Variants in LRRC9 observed in about 807,000 individuals in gnomAD.
LRRC9 encodes leucine-rich repeat-containing protein 9.
In LRRC9, 122 loss-of-function variants were observed where a neutral mutation model predicts 63.2. That is an observed-to-expected ratio of 1.93 (90% CI 1.67 to 2.24). The LOEUF is 2.24. Ranked by LOEUF, LRRC9 falls within the 30% of genes most tolerant of loss-of-function variation. The pLI is 0.00. For synonymous variants in LRRC9, 366 were observed against 213.1 expected (o/e 1.72, Z -6.25); for missense variants, 1,071 against 627.7 (o/e 1.71, Z -7.55).
At chr14:59,961,701 G>A (rs1369495363) in intron 10 of LRRC9, among the ~76,000 whole-genome samples, 3 of 152,040 alleles carry the variant, frequency 2.0e-5, no homozygotes, top group African/African-American at 7.2e-5. Context: ...TTAGAACCAA[G>A]GCCTACTAGT....
At chr14:60,014,098 T>C (rs1333561982) in intron 23 of LRRC9, among the ~76,000 whole-genome samples, 2 of 152,104 alleles carry the variant, frequency 1.3e-5, no homozygotes, top group Non-Finnish European at 2.9e-5. Context: ...TTTTTAGTGG[T>C]TGTTCTATTA....
intron 10 of LRRC9, among the ~76,000 whole-genome samples, chr14:59,965,232 G>A (rs888464326): frequency 6.6e-6 from 1 of 152,110 alleles, no homozygotes; most frequent in Non-Finnish European, 1.5e-5. Flanking sequence ...GCACTTCAGT[G>A]TTATTTTCAC....
rs1566787365 is a variant in LRRC9 at position 59,936,240 on chromosome 14, T to C, written c.544-2150T>C. ...ATAGCAGGATTATTATAAAAATTCA[T>C]TGTGTGACATAATATTTAAAAAGGC... is the stretch of plus-strand genomic sequence containing the variant. On this transcript the variant is annotated intron_variant, in intron 6 of 31. Coordinates refer to ENST00000445360, the Ensembl canonical transcript of LRRC9. This position sits in a 1 kb window ranked among gnomAD's most constrained non-coding sequence, Gnocchi z 4.2. 6.6e-6 allele frequency among the ~76,000 whole-genome samples: 1 copy of C among 152,214 alleles called. No homozygotes were observed. Among genetic ancestry groups the C allele is most frequent in the Admixed American group, 6.5e-5 (1 of 15,278 alleles).
At chr14:59,993,237 A>T (rs1888361551) in intron 17 of LRRC9, among the ~76,000 whole-genome samples, 1 of 152,176 alleles carries the variant, frequency 6.6e-6, no homozygotes, top group South Asian at 2.1e-4. Context: ...GGAGAAATAA[A>T]ATACCTTACA....
At chr14:60,040,816 T>C (rs1892881467) in intron 29 of LRRC9, among the ~76,000 whole-genome samples, 1 of 151,986 alleles carries the variant, frequency 6.6e-6, no homozygotes, top group South Asian at 2.1e-4. Context: ...TGTTAGCTGG[T>C]TATTTTGCTC....
chr14:59,949,188 C>T (rs1438230387), intron 8 of LRRC9, among the ~76,000 whole-genome samples: 5 of 150,094 alleles, frequency 3.3e-5, no homozygotes, highest in African/African-American at 1.2e-4. Context: ...AATTTCAGCT[C>T]CTGTTATTGG....
chr14:60,057,106 G>T (rs886798696), intron 30 of LRRC9, among the ~76,000 whole-genome samples: 8 of 152,112 alleles, frequency 5.3e-5, no homozygotes, highest in African/African-American at 1.9e-4. Flanking sequence ...GAAGTATGAG[G>T]TTAAATAGGT....
chr14:60,032,169 A>G lies in LRRC9; in HGVS notation c.3990+106A>G, dbSNP rs185870941. The G allele has an allele frequency of 1.0e-3, 601 of 576,902 alleles. 4 individuals are homozygous for G. Among genetic ancestry groups the G allele is most frequent in the Non-Finnish European group, 5.9e-4 (191 of 325,402 alleles). The allele number at this position is 576,902 out of a possible 1,614,324, so 35.7% of individuals were successfully genotyped here. ...GATTTAGTTTTATGCTTCTGTATGC[A>G]TAGCCAGTCATCCCAGCCCAAATTT... On this transcript the variant is annotated intron_variant, in intron 29 of 31. Transcript: ENST00000445360.
chr14:60,018,592 T>A, intron 25 of LRRC9, 113 bp downstream of exon 25: 1 of 410,982 alleles, frequency 2.4e-6, no homozygotes, highest in Non-Finnish European at 4.3e-6. Context: ...TTCCTAAATT[T>A]TCTTTGGGTT....
At chr14:60,006,674 A>G in intron 22 of LRRC9, 57 bp downstream of exon 22, 1 of 550,368 alleles carries the variant, frequency 1.8e-6, no homozygotes, top group Middle Eastern at 4.6e-4. Flanking sequence ...TCTTTATATT[A>G]TGAAAGTAAT....
chr14:60,007,848 G>A (rs1032044202), intron 22 of LRRC9, among the ~76,000 whole-genome samples: 1 of 151,428 alleles, frequency 6.6e-6, no homozygotes, highest in Non-Finnish European at 1.5e-5. Context: ...GCCATGGTGG[G>A]AGAATCACTT....
intron 19 of LRRC9, 117 bp downstream of exon 19, chr14:59,999,343 T>G: frequency 4.1e-6 from 2 of 493,438 alleles, no homozygotes; most frequent in Non-Finnish European, 7.1e-6. Flanking sequence ...AATAAAAAAT[T>G]AATATAGAGC....
intron 1 of LRRC9, among the ~76,000 whole-genome samples, chr14:59,921,579 G>C (rs1439386274): frequency 6.6e-6 from 1 of 152,148 alleles, no homozygotes; most frequent in Non-Finnish European, 1.5e-5. Context: ...TAGAAGAATG[G>C]TGGTGTTACT....
chr14:59,981,840 T>G lies in LRRC9; in HGVS notation c.1879-8T>G, dbSNP rs756255757. The G allele has an allele frequency of 2.9e-6, 2 of 681,150 alleles. No homozygotes were observed. The highest frequency in any genetic ancestry group is 2.6e-6 in the Non-Finnish European group (1 of 378,880). The allele number at this position is 681,150 out of a possible 1,614,324, so 42.2% of individuals were successfully genotyped here. ...CTGATTTTGCAATGTTTTTAATACA[T>G]TTTTTAGGTCAAGGCACCCTCTTTA... On this transcript the variant is annotated splice_region_variant and splice_polypyrimidine_tract_variant and intron_variant, in intron 15 of 31. Coordinates refer to ENST00000445360, the Ensembl canonical transcript of LRRC9.
rs755920814 is a variant in LRRC9, at chr14:60,053,205, G to T, written c.4131G>T (p.Ser1377=). ...CTGAACTACAAGCAAAGAAAAACTC[G>T]GTAATAATTATATTATTTACAATTT... is the stretch of plus-strand genomic sequence containing the variant. Residue 1377 remains serine, a splice_region_variant and synonymous_variant, in exon 30 of 32, where the codon TCG becomes TCT. Coordinates refer to ENST00000445360, the Ensembl canonical transcript of LRRC9. This position sits in a 1 kb window ranked among gnomAD's most constrained non-coding sequence, Gnocchi z 4.8. The T allele has an allele frequency of 4.3e-6, 3 of 694,500 alleles. No homozygotes were observed. The highest frequency in any genetic ancestry group is 1.8e-5 in the African/African-American group (1 of 56,814). 43.0% of individuals were successfully genotyped at this position (694,500 alleles called of 1,614,324 possible).
At chr14:59,985,601 G>A (rs1887382441) in intron 17 of LRRC9, among the ~76,000 whole-genome samples, 1 of 152,136 alleles carries the variant, frequency 6.6e-6, no homozygotes, top group East Asian at 1.9e-4. Context: ...GCAGAAAAAA[G>A]ATCATGAAGT....
rs1894714969 is a variant in LRRC9 at position 60,062,481 on chromosome 14, C to T, written c.4277-842C>T. Among the ~76,000 whole-genome samples the T allele has an allele frequency of 2.0e-5, 3 of 152,186 alleles. No homozygotes were observed. In the South Asian group the frequency reaches 6.2e-4, roughly 32 times the overall value. ...CAATGAAATAGCTACATGGGAACTA[C>T]TTTAATTGTATCCTCTACCAACTCA... On this transcript the variant is annotated intron_variant, in intron 31 of 31. Coordinates refer to ENST00000445360, the Ensembl canonical transcript of LRRC9.
Position 59,930,566 on chromosome 14 carries a change from A to G in LRRC9, c.268-352A>G, listed in dbSNP as rs1889612860. ...AAATTGTGTGTGCATTAGGATTATA[A>G]AGTGCTTACATTGTTATAATCATAA... is the stretch of plus-strand genomic sequence containing the variant. On this transcript the variant is annotated intron_variant, in intron 3 of 31. Transcript: ENST00000445360. This position sits in a 1 kb window ranked among gnomAD's most constrained non-coding sequence, Gnocchi z 4.9. Among the ~76,000 whole-genome samples, 1 of 151,862 alleles carries G rather than the reference A, an allele frequency of 6.6e-6. No homozygotes were observed. The highest frequency in any genetic ancestry group is 6.6e-5 in the Admixed American group (1 of 15,202).
intron 29 of LRRC9, among the ~76,000 whole-genome samples, chr14:60,043,187 G>GT (rs1336361516): frequency 1.3e-5 from 2 of 152,132 alleles, no homozygotes; most frequent in Non-Finnish European, 2.9e-5. Flanking sequence ...GCTCTTAACA[G>GT]TTTTTTGGGG....
Sources: gnomAD v4.1 joint callset for allele counts (sites outside exome capture counted in the v4.1 genomes callset) on GRCh38, gnomAD v4.1.1 for gene constraint, Gnocchi (gnomAD v3.1) non-coding constraint, MANE v1.5 for transcripts, NCBI Gene and HGNC (gene_info 2026-07-23, HGNC 2026-07-21) for gene names.